ERICH1: variants seen among roughly 807,000 people sequenced by gnomAD.
ERICH1 encodes glutamate-rich protein 1.
A neutral mutation model predicts 39.6 loss-of-function variants in ERICH1; 56 were observed. The observed-to-expected ratio is 1.41, with a 90% CI of 1.14 to 1.77. The LOEUF (loss-of-function observed/expected upper bound fraction) is 1.77. Ranked by LOEUF, ERICH1 falls within the 40% of genes most tolerant of loss-of-function variation. The pLI is 0.00. For synonymous variants in ERICH1, 313 were observed against 223.6 expected, an observed-to-expected ratio of 1.40 and a Z score of -3.57; for missense variants, 826 against 575.4, an observed-to-expected ratio of 1.44 and a Z score of -4.45.
downstream of ERICH1, among the ~76,000 whole-genome samples, chr8:663,522 G>GGGACAGGCA (rs1043436700): frequency 1.3e-5 from 2 of 149,918 alleles, no homozygotes; most frequent in African/African-American, 5.0e-5. Context: ...GCTCACAGGC[G>GGGACAGGCA]GGACAGGCGG....
In ERICH1 at chr8:676,485, A is replaced by G. The variant is rs1345429252; in HGVS notation, c.305-2438T>C. Reference sequence around the variant, plus strand: ...CGCGGCGGCCCCTCGGCGAGGACAGAGACGCGGCGGCCCCTCGTGAGGACA... The same window carrying G: ...CGCGGCGGCCCCTCGGCGAGGACAGGGACGCGGCGGCCCCTCGTGAGGACA... On this transcript the variant is annotated intron_variant, in intron 3 of 5. Coordinates refer to ENST00000262109, the MANE Select transcript of ERICH1 (RefSeq NM_207332.3). Among the ~76,000 whole-genome samples the G allele has an allele frequency of 2.6e-4, 34 of 131,856 alleles. 2 individuals are homozygous for G. The highest frequency in any genetic ancestry group is 3.8e-3 in the Middle Eastern group (1 of 264). 86.5% of individuals were successfully genotyped at this position (131,856 alleles called of 152,430 possible).
At chr8:676,925 G>A (rs1804980416) in intron 3 of ERICH1, among the ~76,000 whole-genome samples, 1 of 152,148 alleles carries the variant, frequency 6.6e-6, no homozygotes, top group South Asian at 2.1e-4. Context: ...ACACTGTAAG[G>A]GCAGATTCCC....
In ERICH1 at chr8:646,743, T is replaced by C. The variant is rs1799501123; in HGVS notation, c.976+21855A>G. 2.9e-5 allele frequency among the ~76,000 whole-genome samples: 2 copies of C among 68,390 alleles called. 1 individual carries two copies. Among genetic ancestry groups the C allele is most frequent in the Non-Finnish European group, 9.1e-5 (2 of 21,884 alleles). The allele number at this position is 68,390 out of a possible 152,430, so 44.9% of individuals were successfully genotyped here. A position where few individuals can be genotyped will look rare whatever the true frequency, so the allele number is the denominator to read the frequency against. ...CCCCTGCACCTGCACTTGCTTGTCA[T>C]GAAGAAGACGGCAAAGGAGGGCCTG... is the stretch of plus-strand genomic sequence containing the variant. On this transcript the variant is annotated intron_variant, in intron 3 of 3. Coordinates refer to the ERICH1 transcript ENST00000522706.
intron 2 of ERICH1, among the ~76,000 whole-genome samples, chr8:702,236 G>A (rs185845325): frequency 6.6e-6 from 1 of 152,184 alleles, no homozygotes; most frequent in African/African-American, 2.4e-5. Context: ...GTCCAGTTTT[G>A]TTAGCTTGGT....
intron 3 of ERICH1, among the ~76,000 whole-genome samples, chr8:649,573 T>G (rs1669720): frequency 0.034 from 5,061 of 149,818 alleles, 93 homozygotes; most frequent in African/African-American, 0.05. Context: ...TCACCTTTGT[T>G]GGATGTCCAG....
At position 664,291 on chromosome 8, in the gene ERICH1, G is replaced by C. The variant is rs1300383863; in HGVS notation, c.*312C>G. 9.7e-7 allele frequency: 1 copy of C among 1,029,928 alleles called. No homozygotes were observed. Among genetic ancestry groups the C allele is most frequent in the African/African-American group, 1.7e-5 (1 of 58,926 alleles). The allele number at this position is 1,029,928 out of a possible 1,614,324, so 63.8% of individuals were successfully genotyped here. On this transcript the variant is annotated 3_prime_UTR_variant, in exon 6 of 6. Coordinates refer to ENST00000262109, the MANE Select transcript of ERICH1 (RefSeq NM_207332.3). ...GATTCAAAACTTCATAAAAATATAT[G>C]AGCTTCAAACTATACATTTAACTTA...
At chr8:660,121 C>T (rs1020400519), downstream of ERICH1, among the ~76,000 whole-genome samples, 14 of 145,924 alleles carry the variant, frequency 9.6e-5, no homozygotes, top group African/African-American at 3.4e-4. Context: ...CCCGACTCTC[C>T]CCCTGGCCCC....
At chr8:708,130 T>C (rs533021760) in intron 2 of ERICH1, among the ~76,000 whole-genome samples, 2 of 147,062 alleles carry the variant, frequency 1.4e-5, no homozygotes, top group African/African-American at 5.0e-5. Context: ...AAAAAAAAAA[T>C]AGAAAATAAG....
In ERICH1 at chr8:664,525, C is replaced by A; in HGVS notation, c.*78G>T. The A allele has an allele frequency of 6.8e-7, 1 of 1,476,906 alleles. No homozygotes were observed. The highest frequency in any genetic ancestry group is 9.0e-7 in the Non-Finnish European group (1 of 1,110,972). The allele number at this position is 1,476,906 out of a possible 1,614,324, so 91.5% of individuals were successfully genotyped here. The stretch of plus-strand genomic sequence containing the variant: ...AAATGTCTTTCAAGTTCCCAGAGAA[C>A]TAACTCTAAGCCCATCTCACATTTG... On this transcript the variant is annotated 3_prime_UTR_variant, in exon 6 of 6. Coordinates refer to ENST00000262109, the MANE Select transcript of ERICH1 (RefSeq NM_207332.3).
In ERICH1 at chr8:692,466, C is replaced by A. The variant is rs755095179; in HGVS notation, c.304+12G>T. 5 of 1,613,874 alleles carry A rather than the reference C, an allele frequency of 3.1e-6. No individual in the cohort carries two copies. The highest frequency in any genetic ancestry group is 1.7e-5 in the Admixed American group (1 of 59,962). On this transcript the variant is annotated intron_variant, in intron 3 of 5. Coordinates refer to ENST00000262109, the MANE Select transcript of ERICH1 (RefSeq NM_207332.3). ...CAAAGATGTCTACCTTTCCTCCCAC[C>A]CAGCATTTTACCTTCTGTGTCATCC...
At chr8:697,466 G>A (rs1173415473) in intron 2 of ERICH1, among the ~76,000 whole-genome samples, 2 of 152,160 alleles carry the variant, frequency 1.3e-5, no homozygotes, top group Non-Finnish European at 2.9e-5. Flanking sequence ...GTGCTGCCAG[G>A]GTGCCCAGAA....
intron 3 of ERICH1, among the ~76,000 whole-genome samples, chr8:682,428 G>T (rs1029359977): frequency 2.0e-5 from 3 of 152,152 alleles, no homozygotes; most frequent in African/African-American, 7.2e-5. Context: ...GCTCTGACAC[G>T]GGCCCTTTTA....
In ERICH1 at chr8:668,589, G is replaced by A. The variant is rs776471080; in HGVS notation, c.1258+9C>T. ...AAGCAGGACCTTGAATAAATCGTAC[G>A]GTACTTACCAGGAGGCATCGTGCAA... On this transcript the variant is annotated intron_variant, in intron 5 of 5. Transcript: ENST00000262109. 13 of 1,613,940 alleles carry A rather than the reference G, an allele frequency of 8.1e-6. No individual in the cohort carries two copies. Among genetic ancestry groups the A allele is most frequent in the African/African-American group, 2.7e-5 (2 of 74,918 alleles).
intron 1 of ERICH1, among the ~76,000 whole-genome samples, chr8:717,227 C>G (rs544011467): frequency 1.3e-5 from 2 of 152,256 alleles, no homozygotes; most frequent in East Asian, 1.9e-4. Context: ...TCCCTGAGAC[C>G]CCGGGCTCTT....
chr8:703,188 G>A (rs896623605), intron 2 of ERICH1, among the ~76,000 whole-genome samples: 1 of 152,206 alleles, frequency 6.6e-6, no homozygotes. Context: ...CAAATGCACA[G>A]AAATGAACCC....
chr8:631,651 T>A (rs1798046380), intron 3 of ERICH1, among the ~76,000 whole-genome samples: 1 of 152,146 alleles, frequency 6.6e-6, no homozygotes, highest in Admixed American at 6.5e-5. Flanking sequence ...TGGTAAAATA[T>A]ACACAACATA....
At chr8:670,285 G>A (rs1438677909) in intron 4 of ERICH1, among the ~76,000 whole-genome samples, 1 of 151,878 alleles carries the variant, frequency 6.6e-6, no homozygotes, top group Non-Finnish European at 1.5e-5. Context: ...CTTATTTTAG[G>A]CTCCTTATCT....
intron 3 of ERICH1, among the ~76,000 whole-genome samples, chr8:690,336 C>T (rs1585338622): frequency 6.6e-6 from 1 of 152,366 alleles, no homozygotes; most frequent in East Asian, 1.9e-4. Context: ...GTCTTCCTGT[C>T]CTGGCTTTTG....
chr8:673,622 G>T lies in ERICH1; in HGVS notation c.730C>A (p.Arg244=). Residue 244 remains arginine, a synonymous_variant, in exon 4 of 6, where the codon CGG becomes AGG. Transcript: ENST00000262109. ...TCCGCACCCTCTTCCTGCCTGGCCC[G>T]TGTCAGGTCTTCCTCGCTAGCGTCC... is the stretch of plus-strand genomic sequence containing the variant. The part of the protein sequence containing the change: ...GADASEEDLT[R]ARQEEGADAS... 6.5e-7 allele frequency: 1 copy of T among 1,549,276 alleles called. No individual in the cohort carries two copies. The highest frequency in any genetic ancestry group is 1.7e-4 in the Middle Eastern group (1 of 5,842).
Sources: allele counts gnomAD v4.1 joint callset (sites outside exome capture counted in the v4.1 genomes callset), GRCh38; gene constraint gnomAD v4.1.1; transcripts MANE v1.5; gene names NCBI Gene and HGNC (gene_info 2026-07-23, HGNC 2026-07-21).